Variants in PCDHA11 observed in about 807,000 individuals in gnomAD.
PCDHA11 encodes protocadherin alpha-11.
In PCDHA11, 61 loss-of-function variants were observed where a neutral mutation model predicts 70.3. The ratio of observed to expected loss-of-function variants is 0.87; its 90% CI spans 0.71 to 1.07. The LOEUF (loss-of-function observed/expected upper bound fraction) is 1.07, where lower values mean the gene tolerates loss of function less well. Ranked by LOEUF, PCDHA11 falls within the 50% of genes least tolerant of loss-of-function variation. The pLI is 0.00. For synonymous variants in PCDHA11, 633 were observed against 555.1 expected, an observed-to-expected ratio of 1.14 and a Z score of -1.97; for missense variants, 1,324 against 1,237.5, an observed-to-expected ratio of 1.07 and a Z score of -1.05.
chr5:141,000,743 TA>T (rs527867626), intron 3 of PCDHA11, among the ~76,000 whole-genome samples: 276 of 145,094 alleles, frequency 1.9e-3, no homozygotes, highest in Admixed American at 4.4e-3. Context: ...CTCTGTATAT[TA>T]AAAAAAAAAA....
chr5:140,882,136 A>T (rs2058967821), intron 1 of PCDHA11: 14 of 1,486,890 alleles, frequency 9.4e-6, no homozygotes, highest in Non-Finnish European at 1.3e-5. Context: ...TCCTGCAGAA[A>T]ATATAGCAGA....
rs868942705 is a variant in PCDHA11 at position 140,935,763 on chromosome 5, C to T, written c.2392-43186C>T. Reference sequence around the variant, plus strand: ...TATTCCATACAATACACATTCTTCCCCACTTTGAGTTTTTTCACTTAAAAA... The same window carrying T: ...TATTCCATACAATACACATTCTTCCTCACTTTGAGTTTTTTCACTTAAAAA... On this transcript the variant is annotated intron_variant, in intron 1 of 3. Coordinates refer to ENST00000398640, the MANE Select transcript of PCDHA11 (RefSeq NM_018902.5). Among the ~76,000 whole-genome samples, 111 of 152,180 alleles carry T rather than the reference C, an allele frequency of 7.3e-4. 1 individual carries two copies. The highest frequency in any genetic ancestry group is 3.4e-3 in the Middle Eastern group (1 of 294).
intron 1 of PCDHA11, chr5:140,928,403 G>A (rs1554205862): frequency 6.2e-7 from 1 of 1,613,964 alleles, no homozygotes; most frequent in Non-Finnish European, 8.5e-7. Context: ...GAATCATCCA[G>A]TGGGGCCATC....
intron 1 of PCDHA11, chr5:140,966,327 C>A (rs1381846026): frequency 5.1e-6 from 2 of 392,388 alleles, no homozygotes; most frequent in East Asian, 3.6e-5. Flanking sequence ...CCGCTGGGAT[C>A]CGGCAGGTCC....
At position 141,009,931 on chromosome 5, in the gene PCDHA11, C is replaced by T. The variant is rs2098415407; in HGVS notation, c.2844C>T (p.Asp948=). ...EKGNSTTDNS[D]Q ...GGAACAGCACGACTGACAACAGTGA[C>T]CAGTGAGGTCCTCAAATGGAAACAA... Residue 948 remains aspartate (D), a synonymous_variant, in exon 4 of 4, where the codon GAC becomes GAT. Transcript: ENST00000398640. The T allele has an allele frequency of 6.2e-7, 1 of 1,601,706 alleles. No individual in the cohort carries two copies. The highest frequency in any genetic ancestry group is 8.5e-7 in the Non-Finnish European group (1 of 1,175,864).
At position 140,869,511 on chromosome 5, in the gene PCDHA11, A is replaced by G; in HGVS notation, c.408A>G (p.Arg136=). The G allele has an allele frequency of 6.2e-7, 1 of 1,614,194 alleles. No individual in the cohort carries two copies. Among genetic ancestry groups the G allele is most frequent in the Non-Finnish European group, 8.5e-7 (1 of 1,180,032 alleles). ...INDNPPVFSL[R]EQKLLIAESK... is the part of the protein sequence containing the mutation. Reference sequence around the variant, plus strand: ...ACAACCCGCCGGTGTTCTCGCTCAGAGAACAAAAGCTGCTGATTGCGGAAT... The same window carrying G: ...ACAACCCGCCGGTGTTCTCGCTCAGGGAACAAAAGCTGCTGATTGCGGAAT... The change falls in exon 1 of 4, where the codon AGA becomes AGG. Residue 136 remains arginine (R), a synonymous_variant. Transcript: ENST00000398640.
chr5:140,870,370 GT>G lies in PCDHA11; in HGVS notation c.1268del (p.Val423GlyfsTer2). The G allele has an allele frequency of 6.2e-7, 1 of 1,614,208 alleles. No individual in the cohort carries two copies. ...DRENVWAYEL[V>X]VTARDGGSPS... ...CGAGAACGTGTGGGCCTATGAACTGGTGGTGACTGCGCGGGATGGGGGTTCG... is the reference window on the plus strand; with the variant it reads ...CGAGAACGTGTGGGCCTATGAACTGGGGTGACTGCGCGGGATGGGGGTTCG... On this transcript the variant is annotated frameshift_variant, in exon 1 of 4. Coordinates refer to ENST00000398640, the MANE Select transcript of PCDHA11 (RefSeq NM_018902.5). LOFTEE classifies it high-confidence loss of function.
intron 1 of PCDHA11, chr5:140,930,374 C>G (rs549190703): frequency 6.6e-6 from 1 of 151,988 alleles, no homozygotes; most frequent in South Asian, 2.1e-4. Flanking sequence ...TGTTAGTGGC[C>G]CTTGGCATTT....
intron 1 of PCDHA11, chr5:140,875,191 C>A: frequency 4.0e-6 from 2 of 502,492 alleles, no homozygotes; most frequent in Non-Finnish European, 6.4e-6. Flanking sequence ...TAAGAGTGAC[C>A]CAGGAAGTGG....
intron 1 of PCDHA11, among the ~76,000 whole-genome samples, chr5:140,955,964 A>G (rs148345661): frequency 5.3e-5 from 8 of 152,256 alleles, no homozygotes; most frequent in African/African-American, 1.7e-4. Flanking sequence ...TTGTTTGTGC[A>G]TAGGAATGCT....
chr5:140,936,016 C>G (rs1170221921), intron 1 of PCDHA11, among the ~76,000 whole-genome samples: 1 of 151,732 alleles, frequency 6.6e-6, no homozygotes, highest in Non-Finnish European at 1.5e-5. Context: ...CCTCAGCCTC[C>G]CGAGTAGCGG....
chr5:140,884,445 C>G, intron 1 of PCDHA11: 1 of 1,613,802 alleles, frequency 6.2e-7, no homozygotes, highest in Non-Finnish European at 8.5e-7. Flanking sequence ...TGCTCGGCAC[C>G]GCCCACCGAG....
At chr5:140,872,606 AT>A (rs1302987061) in intron 1 of PCDHA11, among the ~76,000 whole-genome samples, 2 of 151,888 alleles carry the variant, frequency 1.3e-5, no homozygotes, top group African/African-American at 2.4e-5. Flanking sequence ...TGAAAAAATA[AT>A]TTTTTTTGCC....
chr5:140,886,062 C>T (rs925772414), intron 1 of PCDHA11, among the ~76,000 whole-genome samples: 10 of 152,172 alleles, frequency 6.6e-5, no homozygotes, highest in Non-Finnish European at 1.2e-4. Context: ...CTTACAAAAG[C>T]GTAGGGCCAT....
At chr5:140,905,621 T>C (rs1180191773) in intron 1 of PCDHA11, among the ~76,000 whole-genome samples, 1 of 152,224 alleles carries the variant, frequency 6.6e-6, no homozygotes, top group Non-Finnish European at 1.5e-5. Flanking sequence ...TAGATTGCTT[T>C]TGACAGTATG....
intron 1 of PCDHA11, chr5:140,883,500 G>C (rs1562789727): frequency 6.2e-7 from 1 of 1,614,100 alleles, no homozygotes; most frequent in African/African-American, 1.3e-5. Flanking sequence ...GTGCTGGACA[G>C]CGCCCTGGAC....
chr5:140,869,694 G>A lies in PCDHA11; in HGVS notation c.591G>A (p.Lys197=), dbSNP rs782372405. ...KQIKRLSLIL[K]KSLDREKTPE... is the part of the protein sequence containing the mutation. The stretch of plus-strand genomic sequence containing the variant: ...TTAAAAGACTGTCACTTATTTTAAA[G>A]AAGTCTCTGGATAGAGAGAAAACTC... Residue 197 remains lysine (K), a synonymous_variant, in exon 1 of 4, where the codon AAG becomes AAA. Transcript: ENST00000398640. The A allele has an allele frequency of 6.2e-7, 1 of 1,613,394 alleles. No individual in the cohort carries two copies. The highest frequency in any genetic ancestry group is 8.5e-7 in the Non-Finnish European group (1 of 1,179,866).
intron 1 of PCDHA11, among the ~76,000 whole-genome samples, chr5:140,938,013 A>G (rs1310661606): frequency 6.6e-6 from 1 of 152,220 alleles, no homozygotes; most frequent in Non-Finnish European, 1.5e-5. Flanking sequence ...TTCTTGCTAA[A>G]TAGTAAAATC....
At chr5:140,903,202 C>T (rs1322362050) in intron 1 of PCDHA11, among the ~76,000 whole-genome samples, 4 of 152,184 alleles carry the variant, frequency 2.6e-5, no homozygotes, top group Admixed American at 2.0e-4. Context: ...GTGTCCTTTT[C>T]ACCACATTCA....
Sources: allele counts gnomAD v4.1 joint callset (sites outside exome capture counted in the v4.1 genomes callset), GRCh38; gene constraint gnomAD v4.1.1; transcripts MANE v1.5; gene names NCBI Gene and HGNC (gene_info 2026-07-23, HGNC 2026-07-21).